Variants in CFAP46 observed in about 807,000 individuals in gnomAD.
CFAP46 encodes cilia- and flagella-associated protein 46.
CFAP46 carries 245 observed loss-of-function variants against 325.7 expected under a neutral mutation model. That is an observed-to-expected ratio of 0.75 (90% CI 0.68 to 0.84). The LOEUF is 0.84. CFAP46 is among the 40% of genes least tolerant of loss of function. The pLI is 0.00. For synonymous variants in CFAP46, 1,523 were observed against 1,495.9 expected (o/e 1.02, Z -0.42); for missense variants, 3,346 against 3,543.0 (o/e 0.94, Z 1.41).
At chr10:132,825,963 A>C (rs1025773909) in intron 50 of CFAP46, among the ~76,000 whole-genome samples, 1 of 152,032 alleles carries the variant, frequency 6.6e-6, no homozygotes, top group South Asian at 2.1e-4. Flanking sequence ...GGCCACAGAG[A>C]CCAGCCACGG....
intron 35 of CFAP46, among the ~76,000 whole-genome samples, chr10:132,863,874 C>T (rs1333248933): frequency 1.4e-5 from 2 of 146,714 alleles, no homozygotes; most frequent in Non-Finnish European, 3.0e-5. Flanking sequence ...CTGCACACAC[C>T]TGTCCCCCTG....
chr10:132,842,815 G>A (rs1848366008), intron 44 of CFAP46, among the ~76,000 whole-genome samples: 1 of 152,184 alleles, frequency 6.6e-6, no homozygotes, highest in Non-Finnish European at 1.5e-5. Context: ...CACACGGTGA[G>A]GGGGCTGTGT....
At chr10:132,927,361 A>G (rs1849827142) in intron 9 of CFAP46, among the ~76,000 whole-genome samples, 2 of 151,984 alleles carry the variant, frequency 1.3e-5, no homozygotes, top group Non-Finnish European at 2.9e-5. Flanking sequence ...CCTCGGCGGC[A>G]GACGCCTCCG....
intron 44 of CFAP46, 60 bp from the exon 45 acceptor site, chr10:132,836,974 T>C (rs1423577513): frequency 7.8e-7 from 1 of 1,286,790 alleles, no homozygotes; most frequent in Non-Finnish European, 1.1e-6. Context: ...GTCGCTGTGC[T>C]GTTCCCCTCA....
chr10:132,938,612 C>T lies in CFAP46; in HGVS notation c.513G>A (p.Lys171=). The change falls in exon 5 of 58, where the codon AAG becomes AAA. Residue 171 remains lysine, a synonymous_variant. Coordinates refer to ENST00000368586, the MANE Select transcript of CFAP46 (RefSeq NM_001200049.3). ...NVLSQTEEED[K]EWRAELMLEL... is the part of the protein sequence containing the mutation. ...ACAGCATCAGCTCAGCACGCCACTC[C>T]TTGTCTTCCTCCTCAGTCTGACTCA... 6.2e-7 allele frequency: 1 copy of T among 1,613,504 alleles called. No homozygotes were observed. The highest frequency in any genetic ancestry group is 2.2e-5 in the East Asian group (1 of 44,870).
chr10:132,887,729 T>G (rs1247348853), intron 25 of CFAP46, among the ~76,000 whole-genome samples: 4 of 89,558 alleles, frequency 4.5e-5, no homozygotes, highest in African/African-American at 4.8e-5. Context: ...CTCTCTCTCC[T>G]CTCCCCTCTT....
chr10:132,869,782 C>G lies in CFAP46; in HGVS notation c.4512-410G>C, dbSNP rs764609376. Among the ~76,000 whole-genome samples, 2 of 152,142 alleles carry G rather than the reference C, an allele frequency of 1.3e-5. No individual in the cohort carries two copies. The highest frequency in any genetic ancestry group is 4.8e-5 in the African/African-American group (2 of 41,428). Reference sequence around the variant, plus strand: ...CCAGGAAGCATCCCTGTGCGGGCCCCGGTGGTCCCTCTTAGCCCCGTGACC... The same window carrying G: ...CCAGGAAGCATCCCTGTGCGGGCCCGGGTGGTCCCTCTTAGCCCCGTGACC... On this transcript the variant is annotated intron_variant, in intron 32 of 57. Coordinates refer to ENST00000368586, the MANE Select transcript of CFAP46 (RefSeq NM_001200049.3). The surrounding 1 kb of genome is among the most constrained non-coding windows in gnomAD (Gnocchi z 6.2).
chr10:132,857,456 G>A, intron 39 of CFAP46, 134 bp downstream of exon 39: 5 of 812,310 alleles, frequency 6.2e-6, no homozygotes, highest in Non-Finnish European at 7.7e-6. Context: ...TGTTTCAGAT[G>A]GGGGAGTATC....
chr10:132,864,642 G>A (rs988450606), intron 35 of CFAP46, among the ~76,000 whole-genome samples: 19 of 25,908 alleles, frequency 7.3e-4, no homozygotes, highest in African/African-American at 9.2e-4. Context: ...CTGTCCCCCT[G>A]CCTGAGACCT....
rs367837164 is a variant in CFAP46 at position 132,823,911 on chromosome 10, G to A, written c.7118-8997C>T. Among the ~76,000 whole-genome samples the A allele has an allele frequency of 6.3e-3, 820 of 129,798 alleles. 7 individuals carry two copies. Among genetic ancestry groups the A allele is most frequent in the African/African-American group, 0.02 (736 of 36,448 alleles). The allele number at this position is 129,798 out of a possible 152,430, so 85.2% of individuals were successfully genotyped here. On this transcript the variant is annotated intron_variant, in intron 50 of 57. Transcript: ENST00000368586. ...TCTGTGCGCTGTGTGCTGTGTGAGC[G>A]CTGATGTGTGTGTGTGCTGATGTGT...
chr10:132,856,962 G>T (rs909500680), intron 39 of CFAP46, among the ~76,000 whole-genome samples: 1 of 152,184 alleles, frequency 6.6e-6, no homozygotes, highest in Non-Finnish European at 1.5e-5. Flanking sequence ...CTGCTTTCTA[G>T]GGTCTCTCAG....
intron 47 of CFAP46, 72 bp from the exon 48 acceptor site, chr10:132,834,847 C>A: frequency 6.6e-7 from 1 of 1,526,666 alleles, no homozygotes. Flanking sequence ...GGGCCAGGCC[C>A]CTGCAGAAAG....
At chr10:132,813,048 G>C (rs144872968) in intron 54 of CFAP46, 151 bp from the exon 55 acceptor site, 1 of 627,772 alleles carries the variant, frequency 1.6e-6, no homozygotes, top group Non-Finnish European at 2.8e-6. Context: ...TAATGCCCAC[G>C]CCTCCCTCCT....
chr10:132,874,816 C>T (rs564467075), intron 31 of CFAP46, among the ~76,000 whole-genome samples: 1 of 152,312 alleles, frequency 6.6e-6, no homozygotes, highest in African/African-American at 2.4e-5. Context: ...AATTATACTT[C>T]AGAGTAAAAT....
chr10:132,820,461 A>ACTGATGTGTGCTGTGAGTG (rs1470125728), intron 50 of CFAP46, among the ~76,000 whole-genome samples: 1 of 150,954 alleles, frequency 6.6e-6, no homozygotes, highest in African/African-American at 2.5e-5. Flanking sequence ...CTGTGTGAGC[A>ACTGATGTGTGCTGTGAGTG]CTGATGTGTG....
In CFAP46 at chr10:132,886,424, G is replaced by A. The variant is rs961625534; in HGVS notation, c.3305-465C>T. On this transcript the variant is annotated intron_variant, in intron 25 of 57. Transcript: ENST00000368586. This position sits in a 1 kb window ranked among gnomAD's most constrained non-coding sequence, Gnocchi z 5.8. ...ATCCCCGAGTCTCCACGCAGGCAGCGGAGCCATGTGACACGCAGAGGCAAA... is the reference window on the plus strand; with the variant it reads ...ATCCCCGAGTCTCCACGCAGGCAGCAGAGCCATGTGACACGCAGAGGCAAA... Among the ~76,000 whole-genome samples the A allele has an allele frequency of 2.0e-5, 3 of 152,200 alleles. No homozygotes were observed. The highest frequency in any genetic ancestry group is 4.1e-4 in the South Asian group (2 of 4,838).
At position 132,832,544 on chromosome 10, in the gene CFAP46, T is replaced by G. The variant is rs544857852; in HGVS notation, c.7117+814A>C. 192 of 330,566 alleles carry G rather than the reference T, an allele frequency of 5.8e-4. No individual in the cohort carries two copies. The highest frequency in any genetic ancestry group is 2.6e-3 in the Admixed American group (65 of 25,106). 20.5% of individuals were successfully genotyped at this position (330,566 alleles called of 1,614,324 possible). A position where few individuals can be genotyped will look rare whatever the true frequency, so the allele number is the denominator to read the frequency against. On this transcript the variant is annotated intron_variant, in intron 50 of 57. Coordinates refer to ENST00000368586, the MANE Select transcript of CFAP46 (RefSeq NM_001200049.3). The surrounding 1 kb of genome is among the most constrained non-coding windows in gnomAD (Gnocchi z 4.1). Reference sequence around the variant, plus strand: ...CCTCATTTCATGTGCTTTTCTCTGGTTTTTATTTGTCTCAGCTGGAAGAAC... The same window carrying G: ...CCTCATTTCATGTGCTTTTCTCTGGGTTTTATTTGTCTCAGCTGGAAGAAC...
At chr10:132,938,842 C>G (rs1247581454) in intron 4 of CFAP46, 89 bp from the exon 5 acceptor site, 1 of 1,343,444 alleles carries the variant, frequency 7.4e-7, no homozygotes, top group Non-Finnish European at 1.0e-6. Flanking sequence ...TCTCCGGAGC[C>G]CCTCCCAGGA....
intron 44 of CFAP46, among the ~76,000 whole-genome samples, chr10:132,839,047 A>G (rs776238193): frequency 6.6e-6 from 1 of 152,232 alleles, no homozygotes; most frequent in Non-Finnish European, 1.5e-5. Context: ...GCCATCTTCA[A>G]TCAGTGTCTC....
Sources: allele counts gnomAD v4.1 joint callset (sites outside exome capture counted in the v4.1 genomes callset), GRCh38; gene constraint gnomAD v4.1.1; non-coding constraint Gnocchi (gnomAD v3.1); transcripts MANE v1.5; gene names NCBI Gene and HGNC (gene_info 2026-07-23, HGNC 2026-07-21).